Variants in TRMT11 observed in about 807,000 individuals in gnomAD.
The protein encoded by TRMT11 is tRNA (guanine(10)-N(2))-methyltransferase TRMT11.
TRMT11 carries 53 observed loss-of-function variants against 62.8 expected under a neutral mutation model. That is an observed-to-expected ratio of 0.84 (90% confidence interval 0.68 to 1.06). The LOEUF is 1.06. Ranked by LOEUF, TRMT11 falls within the 50% of genes least tolerant of loss-of-function variation. The probability of loss-of-function intolerance (pLI) is 0.00; values close to 1 mark genes in which losing one functional copy is unlikely to be tolerated. For synonymous variants in TRMT11, 188 were observed against 190.3 expected, an observed-to-expected ratio of 0.99 and a Z score of 0.10; for missense variants, 556 against 553.4, an observed-to-expected ratio of 1.00 and a Z score of -0.05.
At chr6:126,090,434 A>T (rs1359997431) in intron 17 of TRMT11, among the ~76,000 whole-genome samples, 1 of 152,192 alleles carries the variant, frequency 6.6e-6, no homozygotes, top group Non-Finnish European at 1.5e-5. Flanking sequence ...TTTCTACTAC[A>T]TTTGAAAACC....
chr6:126,211,365 A>G, the TRMT11 span, among the ~76,000 whole-genome samples: 5 of 152,208 alleles, frequency 3.3e-5, no homozygotes, highest in Non-Finnish European at 7.4e-5. Context: ...CTTACATTAG[A>G]TTAGGTCAAT....
At chr6:126,205,937 ACATG>A (rs1474491427), downstream of TRMT11, among the ~76,000 whole-genome samples, 33 of 130,838 alleles carry the variant, frequency 2.5e-4, no homozygotes, top group African/African-American at 8.8e-4. Flanking sequence ...ACACACACAC[ACATG>A]CGCGCACACA....
chr6:125,986,756 C>G, intron 1 of TRMT11, 134 bp downstream of exon 1: 1 of 814,720 alleles, frequency 1.2e-6, no homozygotes, highest in South Asian at 1.8e-5. Flanking sequence ...GGTCACGCGT[C>G]CCCAGTCCTC....
chr6:126,029,705 G>C (rs539145584), intron 12 of TRMT11, among the ~76,000 whole-genome samples: 200 of 152,212 alleles, frequency 1.3e-3, no homozygotes, highest in African/African-American at 4.2e-3. Flanking sequence ...AAGATTTTTA[G>C]TTTTAATGAA....
At chr6:126,021,062 G>A (rs966504683) in intron 11 of TRMT11, 98 bp from the exon 12 acceptor site, 2 of 1,361,176 alleles carry the variant, frequency 1.5e-6, no homozygotes, top group African/African-American at 1.4e-5. Flanking sequence ...AAAAGAGCAT[G>A]TAGTGGAAGA....
chr6:126,167,913 G>A (rs540640016), intron 21 of TRMT11, among the ~76,000 whole-genome samples: 1 of 152,294 alleles, frequency 6.6e-6, no homozygotes, highest in South Asian at 2.1e-4. Flanking sequence ...ACTCCAGCCT[G>A]GGAGAATGTA....
At chr6:126,136,021 G>A (rs1363131250) in intron 21 of TRMT11, among the ~76,000 whole-genome samples, 1 of 151,766 alleles carries the variant, frequency 6.6e-6, no homozygotes. Flanking sequence ...CAAGCTCACA[G>A]TTAAAATCAT....
At position 126,088,369 on chromosome 6, in the gene TRMT11, A is replaced by G. The variant is rs931845258; in HGVS notation, c.*1438-24497A>G. On this transcript the variant is annotated intron_variant and NMD_transcript_variant, in intron 17 of 22. Coordinates refer to the TRMT11 transcript ENST00000648977. ...CAGTGGTTTTCAACTCTGGATGTAC[A>G]TTTGAGTCACCTGGAGAACTAAAAA... 2.6e-5 allele frequency among the ~76,000 whole-genome samples: 4 copies of G among 152,172 alleles called. No homozygotes were observed. In the East Asian group the frequency reaches 5.8e-4, roughly 22 times the overall value.
chr6:125,990,476 C>A (rs905072871), intron 1 of TRMT11, among the ~76,000 whole-genome samples: 1 of 152,200 alleles, frequency 6.6e-6, no homozygotes, highest in African/African-American at 2.4e-5. Context: ...TTCTATCGGG[C>A]ACTCAGAAGG....
intron 1 of TRMT11, among the ~76,000 whole-genome samples, chr6:126,178,047 T>A (rs879758930): frequency 1.3e-5 from 2 of 152,226 alleles, no homozygotes; most frequent in Non-Finnish European, 2.9e-5. Context: ...TTTTAAAATT[T>A]CAAGAGCGAT....
intron 21 of TRMT11, among the ~76,000 whole-genome samples, chr6:126,148,182 A>G (rs1165821260): frequency 6.6e-6 from 1 of 152,118 alleles, no homozygotes; most frequent in South Asian, 2.1e-4. Context: ...CCTCTCAGTT[A>G]GTCTGGTCCA....
At chr6:126,272,281 A>G in the TRMT11 span, among the ~76,000 whole-genome samples, 50 of 152,262 alleles carry the variant, frequency 3.3e-4, 2 homozygotes, top group East Asian at 5.8e-3. Flanking sequence ...TGCATATTGT[A>G]TGTTATTCTC....
chr6:126,070,582 C>T (rs1228395222), intron 17 of TRMT11, among the ~76,000 whole-genome samples: 1 of 152,162 alleles, frequency 6.6e-6, no homozygotes, highest in Non-Finnish European at 1.5e-5. Flanking sequence ...TCTCTCCTTC[C>T]CTCTCTTTTC....
chr6:126,095,213 G>T (rs1227424371), intron 17 of TRMT11, among the ~76,000 whole-genome samples: 3 of 152,194 alleles, frequency 2.0e-5, no homozygotes, highest in African/African-American at 7.2e-5. Flanking sequence ...CAATGGATAA[G>T]AATGGTCTTT....
At chr6:126,118,775 A>G (rs1777616806) in intron 21 of TRMT11, among the ~76,000 whole-genome samples, 1 of 152,104 alleles carries the variant, frequency 6.6e-6, no homozygotes, top group South Asian at 2.1e-4. Context: ...AGCTATTAAG[A>G]ACTTACCAAG....
chr6:126,108,289 A>G (rs1173932309), intron 17 of TRMT11, among the ~76,000 whole-genome samples: 2 of 152,180 alleles, frequency 1.3e-5, no homozygotes, highest in African/African-American at 2.4e-5. Context: ...TCATGGCTAT[A>G]TAGTTGCTCC....
chr6:126,141,243 A>C (rs1370536217), intron 21 of TRMT11, among the ~76,000 whole-genome samples: 1 of 152,132 alleles, frequency 6.6e-6, no homozygotes, highest in East Asian at 1.9e-4. Context: ...TATTTTGTCT[A>C]ATTTTGGTTA....
the TRMT11 span, among the ~76,000 whole-genome samples, chr6:126,227,982 G>A: frequency 6.6e-6 from 1 of 152,210 alleles, no homozygotes; most frequent in Non-Finnish European, 1.5e-5. Flanking sequence ...GGAGGGTGGT[G>A]AGTTTTGCCA....
At chr6:126,100,918 G>A (rs1777392305) in intron 17 of TRMT11, among the ~76,000 whole-genome samples, 1 of 152,094 alleles carries the variant, frequency 6.6e-6, no homozygotes, top group Non-Finnish European at 1.5e-5. Context: ...AGATCATCAG[G>A]CATTTGATTC....
Sources: allele counts gnomAD v4.1 joint callset (sites outside exome capture counted in the v4.1 genomes callset), GRCh38; gene constraint gnomAD v4.1.1; transcripts MANE v1.5; gene names NCBI Gene and HGNC (gene_info 2026-07-23, HGNC 2026-07-21).